VPS13B: variants seen among roughly 807,000 people sequenced by gnomAD.
The protein encoded by VPS13B is intermembrane lipid transfer protein VPS13B.
A neutral mutation model predicts 426.4 loss-of-function variants in VPS13B; 285 were observed. That is an observed-to-expected ratio of 0.67 (90% CI 0.61 to 0.74). The LOEUF is 0.74. VPS13B is among the 30% of genes least tolerant of loss of function. The pLI, the probability that VPS13B is intolerant of heterozygous loss-of-function variation, is 0.00. For synonymous variants in VPS13B, 1,676 were observed against 1,676.4 expected, an observed-to-expected ratio of 1.00 and a Z score of 0.01; for missense variants, 4,537 against 4,782.6, an observed-to-expected ratio of 0.95 and a Z score of 1.51.
intron 19 of VPS13B, among the ~76,000 whole-genome samples, chr8:99,277,274 A>G: frequency 6.6e-6 from 1 of 152,050 alleles, no homozygotes; most frequent in Middle Eastern, 3.2e-3. Flanking sequence ...TTGAACCTAA[A>G]ATGTAATATA....
intron 3 of VPS13B, among the ~76,000 whole-genome samples, chr8:99,095,127 C>T (rs1007248086): frequency 6.6e-6 from 1 of 152,108 alleles, no homozygotes; most frequent in African/African-American, 2.4e-5. Context: ...TTTACTGCTC[C>T]CACTTCTCTC....
At chr8:99,075,615 G>A (rs1294291229) in intron 3 of VPS13B, among the ~76,000 whole-genome samples, 1 of 152,130 alleles carries the variant, frequency 6.6e-6, no homozygotes, top group African/African-American at 2.4e-5. Flanking sequence ...AGTCTTAATA[G>A]GTTGTATGTG....
intron 2 of VPS13B, among the ~76,000 whole-genome samples, chr8:99,031,428 A>T (rs1842501751): frequency 6.6e-6 from 1 of 152,072 alleles, no homozygotes. Context: ...TTAGAGAATT[A>T]CTGTATTCCT....
Position 99,853,748 on chromosome 8 carries a change from C to A in VPS13B, c.10359C>A (p.Pro3453=), listed in dbSNP as rs1444426292. ...VLVCQGEKAE[P]IQCSKMQSLL... ...TCTGCCAGGGAGAAAAAGCAGAACC[C>A]ATTCAGTGTTCCAAAATGCAGAGTC... is the stretch of plus-strand genomic sequence containing the variant. The change falls in exon 56 of 62, where the codon CCC becomes CCA. Residue 3453 remains proline (P), a synonymous_variant. Transcript: ENST00000357162. 6.2e-7 allele frequency: 1 copy of A among 1,614,052 alleles called. No individual in the cohort carries two copies. Among genetic ancestry groups the A allele is most frequent in the Non-Finnish European group, 8.5e-7 (1 of 1,180,032 alleles).
At chr8:99,164,273 G>C (rs1811861170) in intron 15 of VPS13B, among the ~76,000 whole-genome samples, 1 of 152,178 alleles carries the variant, frequency 6.6e-6, no homozygotes, top group African/African-American at 2.4e-5. Flanking sequence ...CAAGATGGCT[G>C]CCACAGGACC....
chr8:99,759,863 G>A (rs951063539), intron 39 of VPS13B, among the ~76,000 whole-genome samples: 4 of 152,086 alleles, frequency 2.6e-5, no homozygotes, highest in African/African-American at 9.7e-5. Context: ...ATACTACTCT[G>A]TTGCCACCAA....
intron 7 of VPS13B, among the ~76,000 whole-genome samples, chr8:99,119,124 A>C (rs1847818099): frequency 6.6e-6 from 1 of 151,926 alleles, no homozygotes; most frequent in African/African-American, 2.4e-5. Context: ...TTTGATGGCT[A>C]ATTATTTTGA....
At position 99,690,706 on chromosome 8, in the gene VPS13B, T is replaced by C. The variant is rs1020874324; in HGVS notation, c.6047-8819T>C. Reference sequence around the variant, plus strand: ...ACCAAATTTAAAAATGAGCAAAGGGTTTGAATAGATATTTCTCCAAGAATA... The same window carrying C: ...ACCAAATTTAAAAATGAGCAAAGGGCTTGAATAGATATTTCTCCAAGAATA... On this transcript the variant is annotated intron_variant, in intron 35 of 61. Transcript: ENST00000357162. Among the ~76,000 whole-genome samples the C allele has an allele frequency of 1.1e-4, 17 of 151,544 alleles. No homozygotes were observed. The East Asian group carries it at 3.3e-3, about 29-fold the overall frequency.
intron 33 of VPS13B, among the ~76,000 whole-genome samples, chr8:99,622,609 G>A (rs1027906036): frequency 1.3e-5 from 2 of 152,170 alleles, no homozygotes; most frequent in South Asian, 2.1e-4. Context: ...TTTATAATGA[G>A]GAGAATTAAC....
intron 42 of VPS13B, among the ~76,000 whole-genome samples, chr8:99,783,586 C>T (rs1812121478): frequency 6.6e-6 from 1 of 152,098 alleles, no homozygotes; most frequent in Admixed American, 6.6e-5. Context: ...AACAAAGGAA[C>T]GTATTATTAA....
intron 17 of VPS13B, among the ~76,000 whole-genome samples, chr8:99,227,252 A>G (rs574955933): frequency 1.3e-5 from 2 of 152,308 alleles, no homozygotes; most frequent in Admixed American, 6.5e-5. Flanking sequence ...GGGAACACAT[A>G]TAGTAAAAGT....
intron 23 of VPS13B, among the ~76,000 whole-genome samples, chr8:99,456,388 T>C (rs1818462205): frequency 6.6e-6 from 1 of 152,090 alleles, no homozygotes; most frequent in Non-Finnish European, 1.5e-5. Flanking sequence ...AGGTTTGTTT[T>C]GAACTCCTGA....
At chr8:99,411,787 A>G (rs1815679217) in intron 21 of VPS13B, among the ~76,000 whole-genome samples, 1 of 152,200 alleles carries the variant, frequency 6.6e-6, no homozygotes, top group Non-Finnish European at 1.5e-5. Flanking sequence ...ATGGCTAGCC[A>G]GTTTTCCCAA....
At chr8:99,306,397 A>G (rs1820639218) in intron 19 of VPS13B, among the ~76,000 whole-genome samples, 1 of 152,068 alleles carries the variant, frequency 6.6e-6, no homozygotes, top group South Asian at 2.1e-4. Context: ...TGAGAAAATA[A>G]TGCTGTTTGG....
At chr8:99,596,478 C>T (rs1170899301) in intron 33 of VPS13B, among the ~76,000 whole-genome samples, 6 of 152,098 alleles carry the variant, frequency 3.9e-5, no homozygotes, top group South Asian at 2.1e-4. Flanking sequence ...TATAGTGGCT[C>T]TGCTCCCTAA....
At chr8:99,459,621 A>C (rs1196197744) in intron 23 of VPS13B, among the ~76,000 whole-genome samples, 1 of 152,194 alleles carries the variant, frequency 6.6e-6, no homozygotes, top group Admixed American at 6.5e-5. Flanking sequence ...GGTAAGTATT[A>C]ATTGTTAATA....
intron 16 of VPS13B, among the ~76,000 whole-genome samples, chr8:99,174,687 A>G (rs1812534657): frequency 6.6e-6 from 1 of 152,128 alleles, no homozygotes; most frequent in Non-Finnish European, 1.5e-5. Context: ...TATGATTTGC[A>G]AGTATTTTCT....
intron 2 of VPS13B, among the ~76,000 whole-genome samples, chr8:99,026,876 T>G (rs1842165052): frequency 6.6e-6 from 1 of 151,528 alleles, no homozygotes; most frequent in African/African-American, 2.4e-5. Flanking sequence ...TTTTATTTAT[T>G]TTTTTTTTCC....
At chr8:99,845,328 G>A (rs753486874) in intron 54 of VPS13B, among the ~76,000 whole-genome samples, 5 of 152,192 alleles carry the variant, frequency 3.3e-5, no homozygotes, top group South Asian at 4.1e-4. Context: ...CCATCATCTC[G>A]TATCTTCCCC....
Sources: gnomAD v4.1 joint callset for allele counts (sites outside exome capture counted in the v4.1 genomes callset) on GRCh38, gnomAD v4.1.1 for gene constraint, MANE v1.5 for transcripts, NCBI Gene and HGNC (gene_info 2026-07-23, HGNC 2026-07-21) for gene names.